Variants in XPO1 observed in about 807,000 individuals in gnomAD.
The protein encoded by XPO1 is exportin-1.
In XPO1, 5 loss-of-function variants were observed where a neutral mutation model predicts 133.3. The observed-to-expected ratio is 0.04, with a 90% CI of 0.02 to 0.08. The LOEUF (loss-of-function observed/expected upper bound fraction) is 0.08. XPO1 is among the 10% of genes least tolerant of loss of function. The pLI, the probability that XPO1 is intolerant of heterozygous loss-of-function variation, is 1.00. For missense variants in XPO1, 506 were observed against 1,267.5 expected, an observed-to-expected ratio of 0.40 and a Z score of 9.12; for synonymous variants, 419 against 408.2, an observed-to-expected ratio of 1.03 and a Z score of -0.32.
intron 4 of XPO1, among the ~76,000 whole-genome samples, chr2:61,517,852 G>T (rs1473297152): frequency 2.6e-5 from 4 of 152,244 alleles, no homozygotes; most frequent in African/African-American, 9.6e-5. Context: ...GAGGCAAGAG[G>T]GCAGGATGCA....
intron 21 of XPO1, chr2:61,483,681 C>A: frequency 2.7e-6 from 1 of 375,138 alleles, no homozygotes; most frequent in South Asian, 3.5e-5. Context: ...TCTACAACAT[C>A]ACTACCCAGT....
chr2:61,499,862 T>G lies in XPO1; in HGVS notation c.441A>C (p.Pro147=). 1 of 1,611,336 alleles carries G rather than the reference T, an allele frequency of 6.2e-7. No homozygotes were observed. The highest frequency in any genetic ancestry group is 8.5e-7 in the Non-Finnish European group (1 of 1,179,450). The stretch of plus-strand genomic sequence containing the variant: ...CTCCAACAATATCACTGATAAAAGT[T>G]GGCCAATGTTTGGGCCATTCTTGTT... The part of the protein sequence containing the change: ...ILKQEWPKHW[P]TFISDIVGAS... Residue 147 remains proline, a synonymous_variant, in exon 7 of 25, where the codon CCA becomes CCC. Transcript: ENST00000401558.
intron 4 of XPO1, among the ~76,000 whole-genome samples, chr2:61,515,050 C>G (rs928809570): frequency 7.2e-6 from 1 of 138,308 alleles, no homozygotes; most frequent in East Asian, 2.1e-4. Flanking sequence ...GCCTGGGCGA[C>G]AGAGTAGTGT....
At chr2:61,528,776 T>TATAG (rs1699029478) in intron 2 of XPO1, among the ~76,000 whole-genome samples, 1 of 119,188 alleles carries the variant, frequency 8.4e-6, no homozygotes, top group African/African-American at 3.3e-5. Flanking sequence ...TATATATATA[T>TATAG]ATATAGTTTT....
chr2:61,497,831 T>C (rs1697316423), intron 9 of XPO1, among the ~76,000 whole-genome samples: 1 of 152,190 alleles, frequency 6.6e-6, no homozygotes, highest in Admixed American at 6.5e-5. Flanking sequence ...AAATTAATGT[T>C]TGGACAATTG....
chr2:61,479,109 G>A (rs779358017), intron 24 of XPO1, 143 bp from the exon 25 acceptor site: 145 of 918,618 alleles, frequency 1.6e-4, no homozygotes, highest in Admixed American at 8.4e-5. Flanking sequence ...ATAGGATAGT[G>A]ACACAGTATA....
chr2:61,492,824 T>G lies in XPO1; in HGVS notation c.1385-76A>C. 4.5e-6 allele frequency: 7 copies of G among 1,561,308 alleles called. No homozygotes were observed. The Middle Eastern group carries it at 1.2e-3, about 267-fold the overall frequency. On this transcript the variant is annotated intron_variant, in intron 13 of 24. Coordinates refer to ENST00000401558, the MANE Select transcript of XPO1 (RefSeq NM_003400.4). The surrounding 1 kb of genome is among the most constrained non-coding windows in gnomAD (Gnocchi z 5.6). ...GATGAGTAACAATACATTTAGAAAA[T>G]ATTTAGAAACTACAAGTACATTTCC... is the stretch of plus-strand genomic sequence containing the variant.
At chr2:61,506,453 G>T (rs1697818434) in intron 4 of XPO1, among the ~76,000 whole-genome samples, 1 of 151,542 alleles carries the variant, frequency 6.6e-6, no homozygotes, top group African/African-American at 2.4e-5. Context: ...CCAACTGTAG[G>T]CCAGGAGCAG....
At chr2:61,496,119 C>CT (rs1333374730) in intron 10 of XPO1, among the ~76,000 whole-genome samples, 1 of 152,152 alleles carries the variant, frequency 6.6e-6, no homozygotes, top group African/African-American at 2.4e-5. Context: ...CTATCACAGC[C>CT]TTTAAATTTT....
At chr2:61,485,547 AC>A (rs1573110016) in intron 20 of XPO1, 1 of 201,498 alleles carries the variant, frequency 5.0e-6, no homozygotes, top group Non-Finnish European at 9.2e-6. Context: ...TACTTTTTGA[AC>A]TTTTTGTAGA....
chr2:61,479,891 G>T (rs1466839832), intron 24 of XPO1, among the ~76,000 whole-genome samples: 3 of 152,002 alleles, frequency 2.0e-5, no homozygotes, highest in East Asian at 1.9e-4. Flanking sequence ...TTGAGAGGCA[G>T]TCTTGCTCTG....
At chr2:61,505,619 C>T (rs964815531) in intron 4 of XPO1, among the ~76,000 whole-genome samples, 2 of 151,864 alleles carry the variant, frequency 1.3e-5, no homozygotes, top group African/African-American at 2.4e-5. Flanking sequence ...TGTGCAGTGG[C>T]GTGATCTCAG....
At chr2:61,530,645 C>T (rs959935822) in intron 2 of XPO1, among the ~76,000 whole-genome samples, 2 of 151,706 alleles carry the variant, frequency 1.3e-5, no homozygotes, top group African/African-American at 4.8e-5. Context: ...ACTATACTAA[C>T]CATGTATGCA....
intron 10 of XPO1, among the ~76,000 whole-genome samples, chr2:61,496,170 C>T (rs926466700): frequency 3.9e-5 from 6 of 152,030 alleles, no homozygotes; most frequent in Non-Finnish European, 1.5e-5. Flanking sequence ...TAAAAATAAT[C>T]AATTCATTCA....
At chr2:61,483,243 T>A in intron 21 of XPO1, 152 bp from the exon 22 acceptor site, 2 of 752,346 alleles carry the variant, frequency 2.7e-6, no homozygotes, top group Non-Finnish European at 4.1e-6. Flanking sequence ...TTTCTTAAAT[T>A]AATAATGGAA....
At chr2:61,515,935 A>AAAG (rs1698354742) in intron 4 of XPO1, among the ~76,000 whole-genome samples, 1 of 113,516 alleles carries the variant, frequency 8.8e-6, no homozygotes, top group Non-Finnish European at 1.8e-5. Context: ...AAAAAAAAAA[A>AAAG]ACCACACACA....
intron 16 of XPO1, among the ~76,000 whole-genome samples, chr2:61,490,984 A>G (rs528585281): frequency 2.4e-4 from 36 of 152,214 alleles, no homozygotes; most frequent in Non-Finnish European, 1.5e-4. Context: ...GTGAAACCCC[A>G]TCTCTTCTAC....
At chr2:61,531,578 T>TTA (rs1360469488) in intron 2 of XPO1, among the ~76,000 whole-genome samples, 1 of 152,196 alleles carries the variant, frequency 6.6e-6, no homozygotes, top group African/African-American at 2.4e-5. Flanking sequence ...GTGAACTAGT[T>TTA]TAGTGTGAAG....
At chr2:61,500,578 C>CACAAAAAAAAAAA (rs1413627119) in intron 6 of XPO1, among the ~76,000 whole-genome samples, 1 of 40,424 alleles carries the variant, frequency 2.5e-5, no homozygotes, top group African/African-American at 1.3e-4. Context: ...GACTCCATCT[C>CACAAAAAAAAAAA]AAAAAAAAAA....
Sources: gnomAD v4.1 joint callset for allele counts (sites outside exome capture counted in the v4.1 genomes callset) on GRCh38, gnomAD v4.1.1 for gene constraint, Gnocchi (gnomAD v3.1) non-coding constraint, MANE v1.5 for transcripts, NCBI Gene and HGNC (gene_info 2026-07-23, HGNC 2026-07-21) for gene names.